Variants in HS6ST3 observed in about 807,000 individuals in gnomAD.
HS6ST3 encodes the protein heparan sulfate 6-O-sulfotransferase 3, also known as heparan-sulfate 6-O-sulfotransferase 3.
Under a neutral mutation model 36.7 loss-of-function variants are expected in HS6ST3, and 12 were observed. The observed-to-expected ratio is 0.33, with a 90% CI of 0.21 to 0.53. HS6ST3 has a LOEUF of 0.53. Among genes scored for constraint, HS6ST3 ranks in the 20% least tolerant of loss-of-function variants. HS6ST3 has a pLI of 0.95. For missense variants in HS6ST3, 584 were observed against 640.9 expected, an observed-to-expected ratio of 0.91 and a Z score of 0.96; for synonymous variants, 240 against 257.5, an observed-to-expected ratio of 0.93 and a Z score of 0.65.
chr13:96,496,368 C>A (rs1218780276), intron 1 of HS6ST3, among the ~76,000 whole-genome samples: 1 of 152,124 alleles, frequency 6.6e-6, no homozygotes, highest in Non-Finnish European at 1.5e-5. Flanking sequence ...TACACTCACG[C>A]TGCTTGACCC....
At chr13:96,656,417 G>T (rs376800270) in intron 1 of HS6ST3, among the ~76,000 whole-genome samples, 1 of 152,100 alleles carries the variant, frequency 6.6e-6, no homozygotes, top group Admixed American at 6.6e-5. Context: ...CAAAAGTTCA[G>T]ATCTAGAAGT....
chr13:96,258,466 T>C (rs1054958452), intron 1 of HS6ST3, among the ~76,000 whole-genome samples: 19 of 152,168 alleles, frequency 1.2e-4, no homozygotes, highest in African/African-American at 4.6e-4. Context: ...TGTATTAAAA[T>C]TCTGGCTGTG....
chr13:96,380,997 A>G (rs1272387112), intron 1 of HS6ST3, among the ~76,000 whole-genome samples: 4 of 152,236 alleles, frequency 2.6e-5, no homozygotes, highest in Non-Finnish European at 5.9e-5. Context: ...TGGTGTGGAG[A>G]TAGCTTGAGC....
chr13:96,340,070 A>T (rs1003769823), intron 1 of HS6ST3, among the ~76,000 whole-genome samples: 1 of 152,120 alleles, frequency 6.6e-6, no homozygotes, highest in Non-Finnish European at 1.5e-5. Flanking sequence ...TTTTCATATT[A>T]ATTTTTTAAA....
At chr13:96,782,072 T>C (rs552324820) in intron 1 of HS6ST3, among the ~76,000 whole-genome samples, 1 of 152,310 alleles carries the variant, frequency 6.6e-6, no homozygotes, top group East Asian at 1.9e-4. Flanking sequence ...TTGTGATATA[T>C]TTGCATCTGA....
At chr13:96,249,193 C>T (rs558468492) in intron 1 of HS6ST3, among the ~76,000 whole-genome samples, 13 of 152,228 alleles carry the variant, frequency 8.5e-5, no homozygotes, top group African/African-American at 2.4e-4. Flanking sequence ...CAACTAGTTG[C>T]TTTTCTACAT....
chr13:96,236,642 C>A (rs1263277388), intron 1 of HS6ST3, among the ~76,000 whole-genome samples: 1 of 152,278 alleles, frequency 6.6e-6, no homozygotes, highest in South Asian at 2.1e-4. Flanking sequence ...TGCCAGCACT[C>A]AAGCAGCTGA....
chr13:96,214,402 ATGGTGGTC>A (rs1484551246), intron 1 of HS6ST3, among the ~76,000 whole-genome samples: 2 of 152,132 alleles, frequency 1.3e-5, no homozygotes, highest in African/African-American at 4.8e-5. Flanking sequence ...TAGCCCTGCC[ATGGTGGTC>A]TGTTTCCCCC....
intron 1 of HS6ST3, among the ~76,000 whole-genome samples, chr13:96,691,854 A>G (rs928999490): frequency 2.0e-5 from 3 of 152,154 alleles, no homozygotes; most frequent in East Asian, 1.9e-4. Flanking sequence ...GTTGATTACC[A>G]TCAGGTAGGT....
At chr13:96,328,351 T>G (rs1030271139) in intron 1 of HS6ST3, among the ~76,000 whole-genome samples, 1 of 151,352 alleles carries the variant, frequency 6.6e-6, no homozygotes. Context: ...TTGAAATACG[T>G]CCCATCAATA....
At chr13:96,809,960 G>A (rs746351222) in intron 1 of HS6ST3, among the ~76,000 whole-genome samples, 14 of 152,296 alleles carry the variant, frequency 9.2e-5, no homozygotes, top group Non-Finnish European at 1.8e-4. Flanking sequence ...GTACTGGTAC[G>A]ACAGTGAGAT....
At chr13:96,619,239 T>C (rs1325023527) in intron 1 of HS6ST3, among the ~76,000 whole-genome samples, 1 of 152,172 alleles carries the variant, frequency 6.6e-6, no homozygotes, top group East Asian at 1.9e-4. Flanking sequence ...TTAATACCAA[T>C]GGTGTCATGC....
chr13:96,446,034 G>C (rs1336079862), intron 1 of HS6ST3, among the ~76,000 whole-genome samples: 1 of 151,944 alleles, frequency 6.6e-6, no homozygotes, highest in Non-Finnish European at 1.5e-5. Context: ...TTAGCCGGGC[G>C]TGGTGGCGGG....
At position 96,586,558 on chromosome 13, in the gene HS6ST3, A is replaced by T. The variant is rs148650448; in HGVS notation, c.708-245932A>T. On this transcript the variant is annotated intron_variant, in intron 1 of 1. Transcript: ENST00000376705. ...TGATCTGCCCGCCTCAGCCTCCCAAAGTGCTATGATTACAGGCATTAGCCA... is the reference window on the plus strand; with the variant it reads ...TGATCTGCCCGCCTCAGCCTCCCAATGTGCTATGATTACAGGCATTAGCCA... Among the ~76,000 whole-genome samples the T allele has an allele frequency of 5.7e-3, 860 of 151,886 alleles. 5 individuals carry two copies. The highest frequency in any genetic ancestry group is 0.02 in the African/African-American group (813 of 41,542).
chr13:96,442,834 AC>A (rs1232801905), intron 1 of HS6ST3, among the ~76,000 whole-genome samples: 1 of 152,048 alleles, frequency 6.6e-6, no homozygotes, highest in Non-Finnish European at 1.5e-5. Flanking sequence ...TAAGGAAAAA[AC>A]AAACCAAAAA....
At chr13:96,458,618 C>T (rs1385115911) in intron 1 of HS6ST3, among the ~76,000 whole-genome samples, 2 of 146,130 alleles carry the variant, frequency 1.4e-5, no homozygotes, top group East Asian at 4.1e-4. Flanking sequence ...TCATCTGTTA[C>T]ATTTGTCAAG....
At chr13:96,562,673 A>G (rs1484140852) in intron 1 of HS6ST3, among the ~76,000 whole-genome samples, 2 of 152,140 alleles carry the variant, frequency 1.3e-5, no homozygotes, top group African/African-American at 4.8e-5. Context: ...TCTTTTTTTC[A>G]GCATCATAAC....
At chr13:96,353,041 G>A (rs867794654) in intron 1 of HS6ST3, among the ~76,000 whole-genome samples, 2 of 142,640 alleles carry the variant, frequency 1.4e-5, no homozygotes, top group Non-Finnish European at 3.0e-5. Flanking sequence ...TAGAGCTAGC[G>A]TATTCTTTTT....
chr13:96,778,467 C>T (rs1458494599), intron 1 of HS6ST3, among the ~76,000 whole-genome samples: 1 of 151,910 alleles, frequency 6.6e-6, no homozygotes, highest in Non-Finnish European at 1.5e-5. Context: ...TGAACTTAAA[C>T]AAATTTACAA....
Sources: gnomAD v4.1 joint callset for allele counts (sites outside exome capture counted in the v4.1 genomes callset) on GRCh38, gnomAD v4.1.1 for gene constraint, MANE v1.5 for transcripts, NCBI Gene and HGNC (gene_info 2026-07-23, HGNC 2026-07-21) for gene names.